The following PCMTD1 variants were observed in gnomAD, a reference collection of about 807,000 sequenced individuals.
PCMTD1 encodes the protein protein-L-isoaspartate O-methyltransferase domain-containing protein 1.
In PCMTD1, 12 loss-of-function variants were observed where a neutral mutation model predicts 37.6. That is an observed-to-expected ratio of 0.32 (90% CI 0.20 to 0.52). PCMTD1 has a LOEUF of 0.52. PCMTD1 is among the 20% of genes least tolerant of loss of function. The pLI is 0.97. For synonymous variants in PCMTD1, 117 were observed against 135.8 expected (o/e 0.86, Z 0.96); for missense variants, 235 against 421.3 (o/e 0.56, Z 3.87).
intron 3 of PCMTD1, among the ~76,000 whole-genome samples, chr8:51,835,251 C>T (rs2038052949): frequency 6.6e-6 from 1 of 152,162 alleles, no homozygotes; most frequent in African/African-American, 2.4e-5. Context: ...CTCCTTCTAC[C>T]CTTAATAAAT....
chr8:51,888,191 G>A (rs1417740079), intron 1 of PCMTD1, among the ~76,000 whole-genome samples: 1 of 152,144 alleles, frequency 6.6e-6, no homozygotes, highest in Non-Finnish European at 1.5e-5. Context: ...CATTCTGAGT[G>A]CTTACAGAAG....
chr8:51,874,174 C>G (rs1340729813), intron 1 of PCMTD1, among the ~76,000 whole-genome samples: 1 of 152,170 alleles, frequency 6.6e-6, no homozygotes, highest in Admixed American at 6.5e-5. Flanking sequence ...TCAGGTATTT[C>G]TCTATAGCAA....
intron 3 of PCMTD1, among the ~76,000 whole-genome samples, chr8:51,841,641 G>T (rs1036896721): frequency 2.0e-5 from 3 of 150,078 alleles, no homozygotes; most frequent in Non-Finnish European, 4.5e-5. Context: ...TATACTTCAG[G>T]CTCCTTTAAC....
At chr8:51,841,056 G>C (rs2038140703) in intron 3 of PCMTD1, among the ~76,000 whole-genome samples, 1 of 152,142 alleles carries the variant, frequency 6.6e-6, no homozygotes, top group South Asian at 2.1e-4. Flanking sequence ...TTGCTGGAAA[G>C]AAATATTAGA....
chr8:51,861,196 T>A lies in PCMTD1; in HGVS notation c.-45A>T. On this transcript the variant is annotated 5_prime_UTR_variant, in exon 2 of 6. Coordinates refer to ENST00000522514, the MANE Select transcript of PCMTD1 (RefSeq NM_052937.4). ...CATAAATTTAAAAGTGAAATAAAAT[T>A]AGTAGAAATGGCTTCCAATATTGCA... 6.5e-7 allele frequency: 1 copy of A among 1,529,540 alleles called. No individual in the cohort carries two copies. Among genetic ancestry groups the A allele is most frequent in the Non-Finnish European group, 8.8e-7 (1 of 1,137,024 alleles). The allele number at this position is 1,529,540 out of a possible 1,614,324, so 94.7% of individuals were successfully genotyped here.
At chr8:51,860,601 T>G (rs960586160) in intron 2 of PCMTD1, 2 of 370,584 alleles carry the variant, frequency 5.4e-6, no homozygotes, top group Admixed American at 4.1e-5. Flanking sequence ...AGCGCTTGAC[T>G]TTAAGTACAG....
intron 1 of PCMTD1, among the ~76,000 whole-genome samples, chr8:51,879,216 T>C (rs186683987): frequency 6.6e-6 from 1 of 151,496 alleles, no homozygotes; most frequent in Non-Finnish European, 1.5e-5. Flanking sequence ...CTCCTAGATC[T>C]GTCACTTGAG....
At chr8:51,878,772 A>T (rs2129291420) in intron 1 of PCMTD1, among the ~76,000 whole-genome samples, 1 of 152,226 alleles carries the variant, frequency 6.6e-6, no homozygotes, top group Admixed American at 6.5e-5. Flanking sequence ...GCCTAAGGGA[A>T]TATGCAGATT....
chr8:51,887,677 A>T (rs1049235294), intron 1 of PCMTD1, among the ~76,000 whole-genome samples: 26 of 144,972 alleles, frequency 1.8e-4, no homozygotes, highest in East Asian at 7.9e-4. Context: ...AAAATAAATT[A>T]AAAAAAAAAA....
intron 1 of PCMTD1, among the ~76,000 whole-genome samples, chr8:51,863,242 T>C (rs117828897): frequency 0.01 from 1,594 of 152,300 alleles, 12 homozygotes; most frequent in Middle Eastern, 0.024. Flanking sequence ...AATGCCACAA[T>C]TTACTAAAAA....
At chr8:51,886,228 C>G (rs60206922) in intron 1 of PCMTD1, among the ~76,000 whole-genome samples, 17 of 152,350 alleles carry the variant, frequency 1.1e-4, no homozygotes, top group African/African-American at 4.1e-4. Flanking sequence ...TCAAAATCAT[C>G]ATCCTCTTTA....
intron 1 of PCMTD1, among the ~76,000 whole-genome samples, chr8:51,891,422 C>T (rs1469828071): frequency 6.6e-6 from 1 of 151,804 alleles, no homozygotes; most frequent in Non-Finnish European, 1.5e-5. Context: ...AGCCGGGCAT[C>T]GTGGCACATG....
intron 2 of PCMTD1, among the ~76,000 whole-genome samples, chr8:51,848,464 G>A (rs190158106): frequency 2.0e-5 from 3 of 152,218 alleles, no homozygotes; most frequent in South Asian, 4.1e-4. Context: ...TTAAGAATCT[G>A]TAATCAAGGC....
At chr8:51,864,837 A>G (rs1403539298) in intron 1 of PCMTD1, among the ~76,000 whole-genome samples, 1 of 152,090 alleles carries the variant, frequency 6.6e-6, no homozygotes, top group African/African-American at 2.4e-5. Context: ...AAAGAATGAG[A>G]TAAGATTCAG....
chr8:51,883,619 G>T (rs1244414724), intron 1 of PCMTD1, among the ~76,000 whole-genome samples: 1 of 152,132 alleles, frequency 6.6e-6, no homozygotes, highest in Non-Finnish European at 1.5e-5. Context: ...TTTTTAAAAC[G>T]TGTTCAGAAA....
chr8:51,837,933 C>T (rs944302802), intron 3 of PCMTD1, among the ~76,000 whole-genome samples: 6 of 151,944 alleles, frequency 3.9e-5, no homozygotes, highest in African/African-American at 1.5e-4. Flanking sequence ...AGGTGGACCA[C>T]CACAATCAGC....
At chr8:51,898,014 T>TG (rs1336426222) in intron 1 of PCMTD1, among the ~76,000 whole-genome samples, 2 of 151,716 alleles carry the variant, frequency 1.3e-5, no homozygotes, top group East Asian at 1.9e-4. Context: ...AGGAGAAATA[T>TG]GGGGGGAAGG....
At chr8:51,830,559 C>T (rs1012263836) in intron 5 of PCMTD1, among the ~76,000 whole-genome samples, 4 of 152,186 alleles carry the variant, frequency 2.6e-5, no homozygotes, top group African/African-American at 4.8e-5. Context: ...TCCACACCAA[C>T]ATCCACTCTC....
chr8:51,838,749 C>T (rs1563340556), intron 3 of PCMTD1, among the ~76,000 whole-genome samples: 1 of 152,098 alleles, frequency 6.6e-6, no homozygotes, highest in Non-Finnish European at 1.5e-5. Context: ...TTTTAAACTA[C>T]AAATACAATT....
Sources: gnomAD v4.1 joint callset for allele counts (sites outside exome capture counted in the v4.1 genomes callset) on GRCh38, gnomAD v4.1.1 for gene constraint, MANE v1.5 for transcripts, NCBI Gene and HGNC (gene_info 2026-07-23, HGNC 2026-07-21) for gene names.